Variants in CNTN4 observed in about 807,000 individuals in gnomAD.
CNTN4 encodes contactin 4.
A neutral mutation model predicts 122.5 loss-of-function variants in CNTN4; 77 were observed. The observed-to-expected ratio is 0.63, with a 90% CI of 0.52 to 0.76. The LOEUF is 0.76. Ranked by LOEUF, CNTN4 falls within the 30% of genes least tolerant of loss-of-function variation. The probability of loss-of-function intolerance (pLI) is 0.00; values close to 1 mark genes in which losing one functional copy is unlikely to be tolerated. For missense variants in CNTN4, 1,256 were observed against 1,259.1 expected (o/e 1.00, Z 0.04); for synonymous variants, 512 against 447.0 (o/e 1.15, Z -1.83).
At chr3:2,767,062 A>G (rs1047142118) in intron 6 of CNTN4, among the ~76,000 whole-genome samples, 2 of 152,226 alleles carry the variant, frequency 1.3e-5, no homozygotes, top group Non-Finnish European at 2.9e-5. Context: ...TATCACATGG[A>G]TTAAGTGAGA....
chr3:2,840,565 G>A (rs1291850337), intron 7 of CNTN4, among the ~76,000 whole-genome samples: 1 of 23,800 alleles, frequency 4.2e-5, no homozygotes, highest in African/African-American at 6.2e-5. Flanking sequence ...CGGGCGCGGT[G>A]ATGGGCGCCT....
intron 13 of CNTN4, among the ~76,000 whole-genome samples, chr3:2,939,320 A>T (rs62232820): frequency 0.62 from 93,566 of 151,814 alleles, 29,158 homozygotes; most frequent in East Asian, 0.76. Context: ...CTGATGAGAA[A>T]TCCAGGTGGT....
chr3:2,404,883 A>G (rs2046978319), intron 3 of CNTN4, among the ~76,000 whole-genome samples: 1 of 152,102 alleles, frequency 6.6e-6, no homozygotes, highest in Non-Finnish European at 1.5e-5. Context: ...AACTTATGTT[A>G]TTCTTATGGC....
At chr3:2,663,779 T>C (rs1337304836) in intron 4 of CNTN4, among the ~76,000 whole-genome samples, 2 of 152,188 alleles carry the variant, frequency 1.3e-5, no homozygotes, top group African/African-American at 4.8e-5. Flanking sequence ...ATGCATACAA[T>C]GTGATATGTC....
chr3:2,246,118 A>G lies in CNTN4; in HGVS notation c.-144-93060A>G, dbSNP rs370794911. 2.4e-4 allele frequency among the ~76,000 whole-genome samples: 37 copies of G among 152,104 alleles called. No homozygotes were observed. The East Asian group carries it at 6.8e-3, about 28-fold the overall frequency. On this transcript the variant is annotated intron_variant, in intron 2 of 24. Coordinates refer to ENST00000418658, the MANE Select transcript of CNTN4 (RefSeq NM_175607.3). ...GTACAGATTAAAATTTTAACCCTAC[A>G]TTCTCTGATAGGTTTCTGTTTAATA...
At chr3:2,934,151 A>T (rs547608242) in intron 13 of CNTN4, among the ~76,000 whole-genome samples, 1 of 152,344 alleles carries the variant, frequency 6.6e-6, no homozygotes, top group South Asian at 2.1e-4. Context: ...CTTTTAGGCC[A>T]CTGTGGACCA....
chr3:2,171,677 G>C (rs2036521383), intron 2 of CNTN4, among the ~76,000 whole-genome samples: 1 of 152,208 alleles, frequency 6.6e-6, no homozygotes, highest in East Asian at 1.9e-4. Context: ...CAAAGCGCAG[G>C]TAAGTACACT....
chr3:2,974,568 A>G (rs747101475), intron 13 of CNTN4, among the ~76,000 whole-genome samples: 1 of 152,222 alleles, frequency 6.6e-6, no homozygotes, highest in Non-Finnish European at 1.5e-5. Context: ...GCAGATAAAG[A>G]GGCAAAGATT....
intron 4 of CNTN4, among the ~76,000 whole-genome samples, chr3:2,649,442 G>A (rs1009415085): frequency 6.6e-6 from 1 of 152,158 alleles, no homozygotes; most frequent in Non-Finnish European, 1.5e-5. Context: ...AATCATGCCA[G>A]ATCTACTCTG....
chr3:2,540,977 A>T (rs2078009052), intron 3 of CNTN4, among the ~76,000 whole-genome samples: 3 of 152,120 alleles, frequency 2.0e-5, no homozygotes, highest in Non-Finnish European at 4.4e-5. Flanking sequence ...ATTTCAAAGC[A>T]TCTGTTTTGC....
chr3:2,142,682 T>C (rs1391208484), intron 2 of CNTN4, among the ~76,000 whole-genome samples: 1 of 152,114 alleles, frequency 6.6e-6, no homozygotes, highest in South Asian at 2.1e-4. Flanking sequence ...AATCTTCCCC[T>C]CCATTACCAG....
chr3:2,383,473 C>A (rs145703217), intron 3 of CNTN4, among the ~76,000 whole-genome samples: 1 of 152,058 alleles, frequency 6.6e-6, no homozygotes, highest in Non-Finnish European at 1.5e-5. Context: ...TTCCATTTCA[C>A]GGTTGAGAAA....
intron 2 of CNTN4, among the ~76,000 whole-genome samples, chr3:2,336,905 C>T (rs1241032780): frequency 1.3e-5 from 2 of 152,134 alleles, no homozygotes; most frequent in African/African-American, 4.8e-5. Flanking sequence ...CTCAAACTCT[C>T]AAGTGTTGCA....
chr3:2,682,854 C>A (rs140591632), intron 4 of CNTN4, among the ~76,000 whole-genome samples: 125 of 152,234 alleles, frequency 8.2e-4, no homozygotes, highest in Non-Finnish European at 1.4e-3. Context: ...TTCCCAGTTT[C>A]ATTTCAGGAC....
intron 3 of CNTN4, among the ~76,000 whole-genome samples, chr3:2,381,596 GC>G (rs1262745769): frequency 6.6e-6 from 1 of 152,118 alleles, no homozygotes; most frequent in African/African-American, 2.4e-5. Context: ...GGCACATAAT[GC>G]ATGGTAGTTT....
At chr3:2,625,100 T>A (rs1315022693) in intron 4 of CNTN4, among the ~76,000 whole-genome samples, 4 of 152,144 alleles carry the variant, frequency 2.6e-5, no homozygotes, top group Non-Finnish European at 5.9e-5. Flanking sequence ...ACAGTAAAAA[T>A]ACATAGTAAG....
intron 23 of CNTN4, among the ~76,000 whole-genome samples, chr3:3,044,782 C>A (rs936850880): frequency 6.6e-6 from 1 of 152,192 alleles, no homozygotes; most frequent in Non-Finnish European, 1.5e-5. Flanking sequence ...GGGGGAAGTG[C>A]ACCGAGCATA....
At chr3:2,643,531 T>C (rs2082989135) in intron 4 of CNTN4, among the ~76,000 whole-genome samples, 2 of 152,064 alleles carry the variant, frequency 1.3e-5, no homozygotes, top group Admixed American at 1.3e-4. Context: ...GTCCATCTTC[T>C]GCATTACTGA....
intron 2 of CNTN4, among the ~76,000 whole-genome samples, chr3:2,289,066 G>A (rs557255456): frequency 6.6e-6 from 1 of 152,238 alleles, no homozygotes; most frequent in South Asian, 2.1e-4. Context: ...CTTGAGAAGT[G>A]CTTGCTTAGT....
Sources: allele counts gnomAD v4.1 joint callset (sites outside exome capture counted in the v4.1 genomes callset), GRCh38; gene constraint gnomAD v4.1.1; transcripts MANE v1.5; gene names NCBI Gene and HGNC (gene_info 2026-07-23, HGNC 2026-07-21).